The following HS3ST5 variants were observed in gnomAD, a reference collection of about 807,000 sequenced individuals.
HS3ST5 encodes heparan sulfate-glucosamine 3-sulfotransferase 5.
A neutral mutation model predicts 25.4 loss-of-function variants in HS3ST5; 10 were observed. The observed-to-expected ratio is 0.39, with a 90% CI of 0.24 to 0.67. HS3ST5 has a LOEUF of 0.67. Among genes scored for constraint, HS3ST5 ranks in the 30% least tolerant of loss-of-function variants. The pLI, the probability that HS3ST5 is intolerant of heterozygous loss-of-function variation, is 0.44. For synonymous variants in HS3ST5, 170 were observed against 162.4 expected (o/e 1.05, Z -0.36); for missense variants, 324 against 420.7 (o/e 0.77, Z 2.01).
chr6:114,312,720 ATAAT>A (rs1200724928), intron 1 of HS3ST5, among the ~76,000 whole-genome samples: 5 of 152,082 alleles, frequency 3.3e-5, no homozygotes, highest in Non-Finnish European at 7.4e-5. Context: ...AATTGAACAT[ATAAT>A]TCATCATCAA....
At chr6:114,159,980 A>G (rs1433851656) in intron 3 of HS3ST5, among the ~76,000 whole-genome samples, 3 of 152,198 alleles carry the variant, frequency 2.0e-5, no homozygotes, top group African/African-American at 7.2e-5. Flanking sequence ...TAAAACTTGT[A>G]AAGTGTGACT....
At chr6:114,177,846 G>C (rs1269488039) in intron 2 of HS3ST5, among the ~76,000 whole-genome samples, 5 of 152,122 alleles carry the variant, frequency 3.3e-5, no homozygotes, top group Non-Finnish European at 7.4e-5. Context: ...GTAAACCTAA[G>C]AGAAGGAAAT....
intron 3 of HS3ST5, among the ~76,000 whole-genome samples, chr6:114,074,652 CT>C (rs1418704755): frequency 6.6e-6 from 1 of 152,078 alleles, no homozygotes; most frequent in Non-Finnish European, 1.5e-5. Context: ...TTCTTCCCAG[CT>C]TTTTTGCTTC....
intron 2 of HS3ST5, among the ~76,000 whole-genome samples, chr6:114,218,578 G>A (rs1781879043): frequency 1.3e-5 from 2 of 152,158 alleles, no homozygotes; most frequent in African/African-American, 4.8e-5. Context: ...TAGGTGCGAG[G>A]TTTCGAAGGA....
intron 3 of HS3ST5, among the ~76,000 whole-genome samples, chr6:114,085,241 A>C (rs1428657215): frequency 6.6e-6 from 1 of 152,112 alleles, no homozygotes; most frequent in Non-Finnish European, 1.5e-5. Flanking sequence ...ATTTTATAAG[A>C]AACTTTATTT....
At chr6:114,159,910 G>A (rs1161181999) in intron 3 of HS3ST5, among the ~76,000 whole-genome samples, 1 of 152,148 alleles carries the variant, frequency 6.6e-6, no homozygotes, top group Non-Finnish European at 1.5e-5. Context: ...TATGTTTGAT[G>A]AGAAAACAAA....
intron 3 of HS3ST5, among the ~76,000 whole-genome samples, chr6:114,095,746 C>T (rs897194214): frequency 2.0e-5 from 3 of 152,030 alleles, no homozygotes; most frequent in Non-Finnish European, 4.4e-5. Context: ...ACGTCTATTC[C>T]CAGACTGATT....
At chr6:114,210,741 C>T (rs1781481146) in intron 2 of HS3ST5, among the ~76,000 whole-genome samples, 1 of 152,186 alleles carries the variant, frequency 6.6e-6, no homozygotes, top group African/African-American at 2.4e-5. Flanking sequence ...TTGGCCTTTG[C>T]CCAATTCAGG....
intron 1 of HS3ST5, among the ~76,000 whole-genome samples, chr6:114,263,103 T>C (rs1773249865): frequency 6.6e-6 from 1 of 152,130 alleles, no homozygotes; most frequent in Non-Finnish European, 1.5e-5. Context: ...GAAATCAATA[T>C]CTCCCATGCA....
At chr6:114,166,793 A>G (rs951505381) in intron 3 of HS3ST5, among the ~76,000 whole-genome samples, 1 of 152,130 alleles carries the variant, frequency 6.6e-6, no homozygotes, top group African/African-American at 2.4e-5. Flanking sequence ...CAGAACATAA[A>G]ATACTTGTTG....
chr6:114,092,953 G>A (rs747229804), intron 3 of HS3ST5, among the ~76,000 whole-genome samples: 2 of 152,080 alleles, frequency 1.3e-5, no homozygotes, highest in Admixed American at 1.3e-4. Flanking sequence ...GGGATTATAG[G>A]TGTGAGTCAC....
chr6:114,268,076 C>A (rs1294560870), intron 1 of HS3ST5, among the ~76,000 whole-genome samples: 2 of 152,172 alleles, frequency 1.3e-5, no homozygotes, highest in East Asian at 3.9e-4. Context: ...CTTCCTCAAC[C>A]TATGATTGGG....
intron 3 of HS3ST5, among the ~76,000 whole-genome samples, chr6:114,089,439 T>C (rs1775010654): frequency 1.3e-5 from 2 of 152,236 alleles, no homozygotes; most frequent in African/African-American, 4.8e-5. Flanking sequence ...GGATTTTCAT[T>C]GATCCCCTAT....
At chr6:114,064,287 A>G (rs1773323009) in intron 3 of HS3ST5, among the ~76,000 whole-genome samples, 1 of 152,200 alleles carries the variant, frequency 6.6e-6, no homozygotes. Context: ...TTCCCAAAGC[A>G]TTTTCAACTA....
intron 3 of HS3ST5, among the ~76,000 whole-genome samples, chr6:114,076,422 G>A (rs547159642): frequency 6.6e-6 from 1 of 152,266 alleles, no homozygotes; most frequent in South Asian, 2.1e-4. Flanking sequence ...TATGCCTGAG[G>A]TACATTTTAA....
At chr6:114,186,293 G>A (rs1780214387) in intron 2 of HS3ST5, among the ~76,000 whole-genome samples, 2 of 152,036 alleles carry the variant, frequency 1.3e-5, no homozygotes, top group African/African-American at 4.8e-5. Flanking sequence ...CAAACAATTA[G>A]CCAAGTTGTG....
chr6:114,149,677 C>G (rs574509743), intron 3 of HS3ST5, among the ~76,000 whole-genome samples: 2 of 152,126 alleles, frequency 1.3e-5, no homozygotes, highest in Non-Finnish European at 2.9e-5. Context: ...CAGCAAACCA[C>G]CATGGCACAT....
Position 114,057,626 on chromosome 6 carries a change from T to A in HS3ST5, c.672A>T (p.Thr224=). The A allele has an allele frequency of 6.2e-7, 1 of 1,613,570 alleles. No individual in the cohort carries two copies. Among genetic ancestry groups the A allele is most frequent in the Non-Finnish European group, 8.5e-7 (1 of 1,179,838 alleles). The stretch of plus-strand genomic sequence containing the variant: ...TGCTGGTTCTTACTGCTTTGTATTT[T>A]GTGTTCACTTCGCATGTATTAGGGT... The part of the protein sequence containing the change: ...AIDPNTCEVN[T]KYKAVRTSIY... The change falls in exon 5 of 5, where the codon ACA becomes ACT. Residue 224 remains threonine, a synonymous_variant. Coordinates refer to ENST00000312719, the MANE Select transcript of HS3ST5 (RefSeq NM_153612.4).
At chr6:114,325,484 T>C (rs1425103696) in intron 1 of HS3ST5, among the ~76,000 whole-genome samples, 1 of 152,188 alleles carries the variant, frequency 6.6e-6, no homozygotes, top group Non-Finnish European at 1.5e-5. Flanking sequence ...GAGAGAAAGA[T>C]AGATTTGGGA....
Sources: gnomAD v4.1 joint callset for allele counts (sites outside exome capture counted in the v4.1 genomes callset) on GRCh38, gnomAD v4.1.1 for gene constraint, MANE v1.5 for transcripts, NCBI Gene and HGNC (gene_info 2026-07-23, HGNC 2026-07-21) for gene names.